FAM76B: variants seen among roughly 807,000 people sequenced by gnomAD.
FAM76B encodes the protein protein FAM76B.
Under a neutral mutation model 51.8 loss-of-function variants are expected in FAM76B, and 16 were observed. The ratio of observed to expected loss-of-function variants is 0.31; its 90% CI spans 0.21 to 0.47. The LOEUF (loss-of-function observed/expected upper bound fraction) is 0.47. Among genes scored for constraint, FAM76B ranks in the 20% least tolerant of loss-of-function variants. The pLI, the probability that FAM76B is intolerant of heterozygous loss-of-function variation, is 1.00. For synonymous variants in FAM76B, 166 were observed against 129.5 expected, an observed-to-expected ratio of 1.28 and a Z score of -1.91; for missense variants, 342 against 392.6, an observed-to-expected ratio of 0.87 and a Z score of 1.09.
At chr11:95,783,745 T>C (rs1860403187) in intron 4 of FAM76B, among the ~76,000 whole-genome samples, 1 of 152,198 alleles carries the variant, frequency 6.6e-6, no homozygotes, top group South Asian at 2.1e-4. Context: ...CCTAGTAAAA[T>C]GTATCTGTAA....
rs1859767665 is a variant in FAM76B at position 95,771,596 on chromosome 11, A to C, written c.985T>G (p.Phe329Val). ...GTTAGTATGCTTCCACTTTTGTCAAATTTTTTACCCTTTGATAATGCTGCG... is the reference window on the plus strand; with the variant it reads ...GTTAGTATGCTTCCACTTTTGTCAACTTTTTTACCCTTTGATAATGCTGCG... ...QVAALSKGKKFDKSGSILTSP is the reference protein window; with the variant it reads ...QVAALSKGKKVDKSGSILTSP Residue 329 changes from phenylalanine (F) to valine (V), a missense_variant, in exon 10 of 10, where the codon TTT becomes GTT. Phe to Val is a conservative substitution (Grantham distance 50). This residue lies in a region of FAM76B where 230 missense variants were observed against 257.4 expected (regional missense o/e 0.89). Transcript: ENST00000358780. The C allele has an allele frequency of 6.2e-7, 1 of 1,607,122 alleles. No individual in the cohort carries two copies. Among genetic ancestry groups the C allele is most frequent in the African/African-American group, 1.3e-5 (1 of 74,484 alleles).
intron 6 of FAM76B, 54 bp from the exon 7 acceptor site, chr11:95,779,741 A>T: frequency 6.3e-7 from 1 of 1,582,308 alleles, no homozygotes; most frequent in Non-Finnish European, 8.6e-7. Context: ...GAGAAACCAA[A>T]TGATAAGTTA....
chr11:95,789,379 G>A lies in FAM76B; in HGVS notation c.87+13C>T, dbSNP rs780452998. The A allele has an allele frequency of 6.9e-6, 11 of 1,584,144 alleles. No individual in the cohort carries two copies. In the Admixed American group the frequency reaches 1.4e-4, roughly 20 times the overall value. On this transcript the variant is annotated intron_variant, in intron 1 of 9. Transcript: ENST00000358780. Reference sequence around the variant, plus strand: ...AGGACACCCATCCCGCCCGCCTCCCGGAGCCCACGGACCTTGCAGAGCTGC... The same window carrying A: ...AGGACACCCATCCCGCCCGCCTCCCAGAGCCCACGGACCTTGCAGAGCTGC...
intron 7 of FAM76B, chr11:95,779,230 T>G: frequency 8.8e-7 from 1 of 1,130,040 alleles, no homozygotes; most frequent in Non-Finnish European, 1.3e-6. Flanking sequence ...TCAGCAAACT[T>G]TTGGCTAATG....
At position 95,789,637 on chromosome 11, in the gene FAM76B, G is replaced by C; in HGVS notation, c.-159C>G. The C allele has an allele frequency of 1.8e-6, 1 of 558,774 alleles. No homozygotes were observed. The highest frequency in any genetic ancestry group is 3.0e-6 in the Non-Finnish European group (1 of 329,642). The allele number at this position is 558,774 out of a possible 1,614,324, so 34.6% of individuals were successfully genotyped here. On this transcript the variant is annotated 5_prime_UTR_variant, in exon 1 of 10. Transcript: ENST00000358780. ...CGCCGCGAGAGCCCAGGGCCCCGCGGACGACGCCACCGTCTCCCTCCGCCT... is the reference window on the plus strand; with the variant it reads ...CGCCGCGAGAGCCCAGGGCCCCGCGCACGACGCCACCGTCTCCCTCCGCCT...
intron 4 of FAM76B, among the ~76,000 whole-genome samples, chr11:95,785,864 A>T (rs1860543491): frequency 6.6e-6 from 1 of 152,226 alleles, no homozygotes; most frequent in Non-Finnish European, 1.5e-5. Flanking sequence ...CAATTAGTTA[A>T]ATCTCCTGAA....
chr11:95,779,580 C>CATAACACT (rs1432403022), intron 7 of FAM76B, 27 bp downstream of exon 7: 26 of 1,573,042 alleles, frequency 1.7e-5, no homozygotes, highest in Non-Finnish European at 2.2e-5. Context: ...GTTGAATTTT[C>CATAACACT]ATAACACTAA....
rs1376762725 is a variant in FAM76B at position 95,779,706 on chromosome 11, A to T, written c.612-19T>A. On this transcript the variant is annotated intron_variant, in intron 6 of 9. Transcript: ENST00000358780. Reference sequence around the variant, plus strand: ...TTTATGGCTGAAACCAAACATTAATAAGAATAGTTAGAGTAAAAAGGACAG... The same window carrying T: ...TTTATGGCTGAAACCAAACATTAATTAGAATAGTTAGAGTAAAAAGGACAG... The T allele has an allele frequency of 6.2e-7, 1 of 1,602,384 alleles. No individual in the cohort carries two copies. The highest frequency in any genetic ancestry group is 8.5e-7 in the Non-Finnish European group (1 of 1,175,600).
intron 9 of FAM76B, among the ~76,000 whole-genome samples, chr11:95,775,097 C>T (rs1859937535): frequency 6.6e-6 from 1 of 151,128 alleles, no homozygotes; most frequent in Non-Finnish European, 1.5e-5. Flanking sequence ...TGCCATCTTC[C>T]ATTAACATTT....
intron 4 of FAM76B, 85 bp from the exon 5 acceptor site, chr11:95,783,349 C>G (rs1591021695): frequency 8.7e-7 from 1 of 1,147,760 alleles, no homozygotes; most frequent in East Asian, 2.4e-5. Flanking sequence ...TCAACTTCCA[C>G]CTATATTCCA....
At position 95,779,705 on chromosome 11, in the gene FAM76B, T is replaced by C. The variant is rs928870526; in HGVS notation, c.612-18A>G. ...ATTTATGGCTGAAACCAAACATTAA[T>C]AAGAATAGTTAGAGTAAAAAGGACA... On this transcript the variant is annotated intron_variant, in intron 6 of 9. Coordinates refer to ENST00000358780, the MANE Select transcript of FAM76B (RefSeq NM_144664.5). 12 of 1,602,078 alleles carry C rather than the reference T, an allele frequency of 7.5e-6. No homozygotes were observed. In the African/African-American group the frequency reaches 8.1e-5, roughly 11 times the overall value.
At chr11:95,776,130 A>G in intron 8 of FAM76B, 107 bp from the exon 9 acceptor site, 2 of 550,414 alleles carry the variant, frequency 3.6e-6, no homozygotes, top group East Asian at 3.4e-5. Context: ...AAAGTAGAAG[A>G]TGTTAACTGC....
rs781677713 is a variant in FAM76B at position 95,779,925 on chromosome 11, T to C, written c.565A>G (p.Ile189Val). 3 of 1,604,838 alleles carry C rather than the reference T, an allele frequency of 1.9e-6. No homozygotes were observed. The highest frequency in any genetic ancestry group is 8.5e-7 in the Non-Finnish European group (1 of 1,176,026). The change falls in exon 6 of 10, where the codon ATC becomes GTC. Residue 189 changes from isoleucine (I) to valine (V), a missense_variant and splice_region_variant. Physicochemically the swap from Ile to Val is conservative, Grantham distance 29 (BLOSUM62 3). Coordinates refer to ENST00000358780, the MANE Select transcript of FAM76B (RefSeq NM_144664.5). ...HHRHSSSHHK[I>V]SNLSPEEEQG... ...TCTTCTTCTGGACTTAGATTGCTGA[T>C]TCTGAAAAATACACAAATGACATCT...
chr11:95,789,173 C>A (rs1213323348), intron 1 of FAM76B: 18 of 1,091,538 alleles, frequency 1.6e-5, no homozygotes, highest in Non-Finnish European at 2.3e-5. Context: ...CCCTCCTGGG[C>A]CGCCTGGAAA....
At position 95,789,566 on chromosome 11, in the gene FAM76B, G is replaced by A; in HGVS notation, c.-88C>T. 8.0e-7 allele frequency: 1 copy of A among 1,245,728 alleles called. No individual in the cohort carries two copies. The allele number at this position is 1,245,728 out of a possible 1,614,324, so 77.2% of individuals were successfully genotyped here. A position where few individuals can be genotyped will look rare whatever the true frequency, so the allele number is the denominator to read the frequency against. Reference sequence around the variant, plus strand: ...GAGAGCCGCCGCCGCCCGGGCCGCGGGCTCCTCCTCCTCCCCCTCCCCCTG... The same window carrying A: ...GAGAGCCGCCGCCGCCCGGGCCGCGAGCTCCTCCTCCTCCCCCTCCCCCTG... On this transcript the variant is annotated 5_prime_UTR_variant, in exon 1 of 10. Transcript: ENST00000358780.
chr11:95,779,038 T>C, intron 7 of FAM76B, 81 bp from the exon 8 acceptor site: 1 of 1,594,954 alleles, frequency 6.3e-7, no homozygotes, highest in Non-Finnish European at 8.5e-7. Context: ...ATTAGACAAT[T>C]CCACAAACAT....
chr11:95,786,509 T>A, intron 3 of FAM76B: 1 of 413,324 alleles, frequency 2.4e-6, no homozygotes, highest in East Asian at 3.9e-5. Flanking sequence ...GAAATAGATT[T>A]GTGATTTGCA....
intron 4 of FAM76B, among the ~76,000 whole-genome samples, chr11:95,784,818 A>T (rs113284715): frequency 0.13 from 20,055 of 151,930 alleles, 2,843 homozygotes; most frequent in African/African-American, 0.35. Context: ...CGATCTCCTA[A>T]CCTTATGATC....
Position 95,783,102 on chromosome 11 carries a change from G to A in FAM76B, c.526C>T (p.His176Tyr), listed in dbSNP as rs779559395. The A allele has an allele frequency of 1.2e-6, 2 of 1,613,208 alleles. No individual in the cohort carries two copies. The highest frequency in any genetic ancestry group is 2.2e-5 in the East Asian group (1 of 44,870). Residue 176 changes from histidine to tyrosine, a missense_variant, in exon 5 of 10, where the codon CAT becomes TAT. By Grantham distance (83) the His-to-Tyr change is moderately conservative (BLOSUM62 2). This residue lies in a region of FAM76B where 230 missense variants were observed against 257.4 expected (regional missense o/e 0.89). Coordinates refer to ENST00000358780, the MANE Select transcript of FAM76B (RefSeq NM_144664.5). ...QHHPKHHHHHHHHHHRHSSSH... is the reference protein window; with the variant it reads ...QHHPKHHHHHYHHHHRHSSSH... ...CTGCTGTGACGATGGTGATGGTGAT[G>A]ATGGTGGTGATGATGTTTTGGATGA...
Sources: gnomAD v4.1 joint callset for allele counts (sites outside exome capture counted in the v4.1 genomes callset) on GRCh38, gnomAD v4.1.1 for gene constraint, gnomAD v4.1.1 regional missense constraint, MANE v1.5 for transcripts, NCBI Gene and HGNC (gene_info 2026-07-23, HGNC 2026-07-21) for gene names.